The following WDR62 variants were observed in gnomAD, a reference collection of about 807,000 sequenced individuals.
WDR62 encodes the protein WD repeat domain 62, also known as WD repeat-containing protein 62.
In WDR62, 112 loss-of-function variants were observed where a neutral mutation model predicts 160.6. The ratio of observed to expected loss-of-function variants is 0.70; its 90% CI spans 0.60 to 0.82. The LOEUF (loss-of-function observed/expected upper bound fraction) is 0.82. Ranked by LOEUF, WDR62 falls within the 40% of genes least tolerant of loss-of-function variation. The pLI, the probability that WDR62 is intolerant of heterozygous loss-of-function variation, is 0.00. For missense variants in WDR62, 1,819 were observed against 1,983.8 expected, an observed-to-expected ratio of 0.92 and a Z score of 1.58; for synonymous variants, 792 against 815.1, an observed-to-expected ratio of 0.97 and a Z score of 0.48.
downstream of WDR62, chr19:36,105,198 G>C (rs897540441): frequency 2.6e-5 from 21 of 819,822 alleles, no homozygotes; most frequent in African/African-American, 2.4e-4. Flanking sequence ...CAGAGGACTC[G>C]TGTCTGTCAG....
intron 10 of WDR62, 146 bp from the exon 11 acceptor site, chr19:36,082,917 A>G (rs1040328245): frequency 9.0e-5 from 64 of 709,650 alleles, no homozygotes; most frequent in Non-Finnish European, 1.5e-4. Context: ...CAGGGGAGGC[A>G]AGGAAATAAT....
chr19:36,068,966 C>G (rs116391084), intron 7 of WDR62, among the ~76,000 whole-genome samples: 2 of 151,204 alleles, frequency 1.3e-5, no homozygotes, highest in East Asian at 4.0e-4. Flanking sequence ...CCGGACGGGG[C>G]GGCGGCAGGG....
intron 16 of WDR62, 54 bp from the exon 17 acceptor site, chr19:36,091,146 A>G: frequency 6.6e-7 from 1 of 1,510,718 alleles, no homozygotes; most frequent in East Asian, 2.3e-5. Context: ...CCCAGGCCTC[A>G]TCATAAGGAA....
At chr19:36,102,691 G>C (rs746374639) in intron 26 of WDR62, 46 bp from the exon 27 acceptor site, 1 of 1,584,122 alleles carries the variant, frequency 6.3e-7, no homozygotes, top group Admixed American at 1.7e-5. Context: ...GGCCAGGGCT[G>C]CTCGGCGGGA....
intron 12 of WDR62, among the ~76,000 whole-genome samples, chr19:36,085,358 C>T (rs924842229): frequency 2.7e-5 from 4 of 150,140 alleles, no homozygotes; most frequent in Non-Finnish European, 5.9e-5. Flanking sequence ...TCAGGTGATC[C>T]GCCCGCCTTG....
Position 36,058,842 on chromosome 19 carries a change from C to A in WDR62, c.240C>A (p.Pro80=). 1 of 1,614,116 alleles carries A rather than the reference C, an allele frequency of 6.2e-7. No homozygotes were observed. The highest frequency in any genetic ancestry group is 8.5e-7 in the Non-Finnish European group (1 of 1,179,938). The change falls in exon 2 of 32, where the codon CCC becomes CCA. Residue 80 remains proline (P), a synonymous_variant. Transcript: ENST00000401500. ...ACAGCAGTGGCCTAACCTGTGACCCCGGCACAGGCCATGTGGCCTACCTGG... is the reference window on the plus strand; with the variant it reads ...ACAGCAGTGGCCTAACCTGTGACCCAGGCACAGGCCATGTGGCCTACCTGG... ...AQNSSGLTCD[P]GTGHVAYLAG...
chr19:36,106,880 A>C (rs1973726401), downstream of WDR62, among the ~76,000 whole-genome samples: 1 of 152,194 alleles, frequency 6.6e-6, no homozygotes, highest in South Asian at 2.1e-4. Flanking sequence ...ACTCTGCCTC[A>C]GGGAGTCCAG....
intron 20 of WDR62, among the ~76,000 whole-genome samples, chr19:36,095,591 C>T (rs1972908480): frequency 6.6e-6 from 1 of 152,160 alleles, no homozygotes; most frequent in South Asian, 2.1e-4. Flanking sequence ...GTCAGGAGTT[C>T]GAGACCAGCC....
At position 36,102,009 on chromosome 19, in the gene WDR62, G is replaced by C; in HGVS notation, c.3083-5G>C. 1 of 1,614,100 alleles carries C rather than the reference G, an allele frequency of 6.2e-7. No individual in the cohort carries two copies. The highest frequency in any genetic ancestry group is 8.5e-7 in the Non-Finnish European group (1 of 1,180,038). Reference sequence around the variant, plus strand: ...CCTCTTGTCCCTCCCCTCCTTCCCTGTCAGGATGCGCAGGTCCCACAGAAG... The same window carrying C: ...CCTCTTGTCCCTCCCCTCCTTCCCTCTCAGGATGCGCAGGTCCCACAGAAG... On this transcript the variant is annotated splice_polypyrimidine_tract_variant and splice_region_variant and intron_variant, in intron 25 of 31. Transcript: ENST00000401500.
At chr19:36,102,694 C>G (rs770465205) in intron 26 of WDR62, 43 bp from the exon 27 acceptor site, 1 of 1,589,812 alleles carries the variant, frequency 6.3e-7, no homozygotes, top group East Asian at 2.2e-5. Flanking sequence ...CAGGGCTGCT[C>G]GGCGGGAAGG....
intron 4 of WDR62, 68 bp downstream of exon 4, chr19:36,066,083 C>G: frequency 6.3e-7 from 1 of 1,596,954 alleles, no homozygotes; most frequent in Non-Finnish European, 8.6e-7. Context: ...CCTTCTGCTC[C>G]CGGCAGGCCT....
At chr19:36,106,479 C>G (rs915899013), downstream of WDR62, among the ~76,000 whole-genome samples, 7 of 151,904 alleles carry the variant, frequency 4.6e-5, no homozygotes, top group Admixed American at 4.6e-4. Flanking sequence ...TACAGTCAAA[C>G]AGATGCAGGA....
Position 36,103,217 on chromosome 19 carries a change from C to G in WDR62, c.3514+10C>G. 1 of 1,613,418 alleles carries G rather than the reference C, an allele frequency of 6.2e-7. No individual in the cohort carries two copies. Among genetic ancestry groups the G allele is most frequent in the Non-Finnish European group, 8.5e-7 (1 of 1,179,992 alleles). On this transcript the variant is annotated intron_variant, in intron 29 of 31. Transcript: ENST00000401500. ...GCCTGGCGCCCACCACGTGAGTGCC[C>G]CAGTCCCAGACGGACAGTCCTGGGT...
chr19:36,066,633 T>C (rs528474644), intron 5 of WDR62, among the ~76,000 whole-genome samples: 33 of 152,364 alleles, frequency 2.2e-4, no homozygotes, highest in Admixed American at 2.0e-4. Flanking sequence ...TATTTTTATA[T>C]TGACCAGCTG....
At chr19:36,064,777 C>T (rs1970847278) in intron 3 of WDR62, among the ~76,000 whole-genome samples, 2 of 151,718 alleles carry the variant, frequency 1.3e-5, no homozygotes, top group Non-Finnish European at 2.9e-5. Context: ...GGGGTTTTGT[C>T]GTGTTGGCCA....
chr19:36,092,741 C>A lies in WDR62; in HGVS notation c.2263C>A (p.His755Asn), dbSNP rs1423413274. ...GGAGATCACCAACTGCATGAAGCAG[C>A]ACTTGCTGGAGATTGACCACCGGCA... ...GPEITNCMKQ[H>N]LLEIDHRQQQ... is the part of the protein sequence containing the mutation. Residue 755 changes from histidine (H) to asparagine (N), a missense_variant, in exon 19 of 32, where the codon CAC becomes AAC. Transcript: ENST00000401500. 1.2e-6 allele frequency: 2 copies of A among 1,614,140 alleles called. No homozygotes were observed. The highest frequency in any genetic ancestry group is 1.7e-6 in the Non-Finnish European group (2 of 1,180,020).
At chr19:36,102,483 A>C in intron 26 of WDR62, 1 of 589,272 alleles carries the variant, frequency 1.7e-6, no homozygotes, top group South Asian at 2.0e-5. Flanking sequence ...ACTGGTCTCA[A>C]ACTCCTGCCT....
At position 36,085,289 on chromosome 19, in the gene WDR62, TATTTTTAGTAGAGA is replaced by T. The variant is rs150707026; in HGVS notation, c.1642+546_1642+559del. On this transcript the variant is annotated intron_variant, in intron 12 of 31. Coordinates refer to ENST00000401500, the MANE Select transcript of WDR62 (RefSeq NM_001083961.2). ...TGCTGCCATGCCTGGCCAATTTTTG[TATTTTTAGTAGAGA>T]TGGGGTTTCACCATGTTGGCCAGGT... Among the ~76,000 whole-genome samples the T allele has an allele frequency of 9.1e-3, 1,386 of 152,138 alleles. 26 individuals are homozygous for T. Among genetic ancestry groups the T allele is most frequent in the African/African-American group, 0.032 (1,338 of 41,520 alleles).
intron 9 of WDR62, chr19:36,075,403 A>G (rs774672339): frequency 4.6e-5 from 7 of 152,108 alleles, no homozygotes; most frequent in Non-Finnish European, 5.9e-5. Context: ...TCTGAAAATA[A>G]AAATCACACA....
Sources: gnomAD v4.1 joint callset for allele counts (sites outside exome capture counted in the v4.1 genomes callset) on GRCh38, gnomAD v4.1.1 for gene constraint, MANE v1.5 for transcripts, NCBI Gene and HGNC (gene_info 2026-07-23, HGNC 2026-07-21) for gene names.